The following RGS7 variants were observed in gnomAD, a reference collection of about 807,000 sequenced individuals.
RGS7 encodes the protein regulator of G-protein signaling 7.
A neutral mutation model predicts 81.1 loss-of-function variants in RGS7; 27 were observed. That is an observed-to-expected ratio of 0.33 (90% confidence interval 0.25 to 0.46). RGS7 has a LOEUF of 0.46. Among genes scored for constraint, RGS7 ranks in the 20% least tolerant of loss-of-function variants. The pLI is 1.00. For missense variants in RGS7, 396 were observed against 607.4 expected (o/e 0.65, Z 3.66); for synonymous variants, 208 against 207.7 (o/e 1.00, Z -0.01).
intron 2 of RGS7, among the ~76,000 whole-genome samples, chr1:241,116,361 C>A (rs965739219): frequency 6.6e-6 from 1 of 152,144 alleles, no homozygotes; most frequent in Non-Finnish European, 1.5e-5. Flanking sequence ...AATACCAACT[C>A]TCTCTATGAA....
At chr1:241,336,974 T>C (rs561682456) in intron 2 of RGS7, among the ~76,000 whole-genome samples, 2 of 152,238 alleles carry the variant, frequency 1.3e-5, no homozygotes, top group East Asian at 3.9e-4. Flanking sequence ...TCCAACCCAG[T>C]AGGGAAGTAG....
In RGS7 at chr1:240,899,895, C is replaced by T. The variant is rs556271649; in HGVS notation, c.386-29776G>A. On this transcript the variant is annotated intron_variant, in intron 6 of 18. Coordinates refer to ENST00000440928, the MANE Select transcript of RGS7 (RefSeq NM_001364886.1). The stretch of plus-strand genomic sequence containing the variant: ...CTGAAGAGTGTTTTCCAACTTGGTT[C>T]CATTCTCCCTGTCAATTTCAGATAC... Among the ~76,000 whole-genome samples, 4 of 152,266 alleles carry T rather than the reference C, an allele frequency of 2.6e-5. No individual in the cohort carries two copies. In the South Asian group the frequency reaches 8.3e-4, roughly 32 times the overall value.
intron 2 of RGS7, among the ~76,000 whole-genome samples, chr1:241,165,874 G>A (rs2070187415): frequency 6.6e-6 from 1 of 151,694 alleles, no homozygotes; most frequent in African/African-American, 2.4e-5. Context: ...CCCAACAGCA[G>A]TAGTTCTCAA....
chr1:240,873,655 G>A (rs1294751580), intron 6 of RGS7, among the ~76,000 whole-genome samples: 1 of 152,160 alleles, frequency 6.6e-6, no homozygotes, highest in East Asian at 1.9e-4. Flanking sequence ...AGAGAAGCTG[G>A]AGTGGTCTCT....
chr1:241,002,585 A>C (rs1173908184), intron 3 of RGS7, among the ~76,000 whole-genome samples: 1 of 152,202 alleles, frequency 6.6e-6, no homozygotes, highest in African/African-American at 2.4e-5. Flanking sequence ...TACTGATATT[A>C]GATTTTATGT....
rs188298061 is a variant in RGS7, at chr1:241,354,289, T to C, written c.78+1410A>G. 1.7e-3 allele frequency among the ~76,000 whole-genome samples: 263 copies of C among 152,312 alleles called. 1 individual carries two copies. Among genetic ancestry groups the C allele is most frequent in the Non-Finnish European group, 2.9e-3 (198 of 68,012 alleles). On this transcript the variant is annotated intron_variant, in intron 2 of 18. Coordinates refer to ENST00000440928, the MANE Select transcript of RGS7 (RefSeq NM_001364886.1). ...TAAATAGAATAGACAGGTATCCAGT[T>C]ATTTCAATTAACTTAAAAATACAAT...
intron 2 of RGS7, among the ~76,000 whole-genome samples, chr1:241,243,700 AT>A (rs2076376421): frequency 6.6e-6 from 1 of 152,212 alleles, no homozygotes; most frequent in South Asian, 2.1e-4. Flanking sequence ...AAAAAGTTCT[AT>A]TTTGGCCACA....
chr1:241,001,854 C>A (rs966978561), intron 3 of RGS7, among the ~76,000 whole-genome samples: 1 of 152,162 alleles, frequency 6.6e-6, no homozygotes, highest in Non-Finnish European at 1.5e-5. Context: ...GTAGTGGATT[C>A]TTGTCATTAT....
In RGS7 at chr1:240,907,058, T is replaced by A. The variant is rs372485018; in HGVS notation, c.385+23659A>T. 9.2e-5 allele frequency among the ~76,000 whole-genome samples: 14 copies of A among 152,302 alleles called. No homozygotes were observed. The South Asian group carries it at 1.0e-3, about 11-fold the overall frequency. On this transcript the variant is annotated intron_variant, in intron 6 of 18. Coordinates refer to ENST00000440928, the MANE Select transcript of RGS7 (RefSeq NM_001364886.1). ...AGAGGTGTGATCTTGGCTTGGTGAT[T>A]CCTGTAGATCTCCGGACTTTGGCTG...
chr1:241,356,731 G>C (rs2083600353), intron 1 of RGS7, among the ~76,000 whole-genome samples, 168 bp downstream of exon 1: 1 of 150,188 alleles, frequency 6.7e-6, no homozygotes, highest in South Asian at 2.1e-4. Flanking sequence ...ACCGTGGACC[G>C]CGGGGTGCGC....
intron 2 of RGS7, among the ~76,000 whole-genome samples, chr1:241,214,849 T>C (rs570476457): frequency 6.6e-6 from 1 of 152,272 alleles, no homozygotes; most frequent in East Asian, 1.9e-4. Flanking sequence ...GATTTACATT[T>C]GCTTTATTTT....
At chr1:241,204,172 C>A (rs180859382) in intron 2 of RGS7, among the ~76,000 whole-genome samples, 6 of 152,038 alleles carry the variant, frequency 3.9e-5, no homozygotes, top group Admixed American at 3.3e-4. Context: ...GGGATGGAAC[C>A]ATTTATGGTG....
intron 9 of RGS7, among the ~76,000 whole-genome samples, chr1:240,848,742 T>G (rs1255869639): frequency 6.6e-6 from 1 of 152,032 alleles, no homozygotes; most frequent in Non-Finnish European, 1.5e-5. Context: ...ATGCTTAGGA[T>G]GACTCAGCTT....
At chr1:241,023,810 A>C (rs906031139) in intron 3 of RGS7, among the ~76,000 whole-genome samples, 2 of 152,158 alleles carry the variant, frequency 1.3e-5, no homozygotes, top group Non-Finnish European at 1.5e-5. Flanking sequence ...CAATGGCGCG[A>C]TCTTGGCTCA....
chr1:241,129,264 C>CA (rs369999096), intron 2 of RGS7, among the ~76,000 whole-genome samples: 30,308 of 145,266 alleles, frequency 0.21, 3,060 homozygotes, highest in African/African-American at 0.23. Flanking sequence ...AACAAACAAA[C>CA]AAACAAAAAA....
At chr1:240,784,542 A>G (rs1284989069) in intron 18 of RGS7, among the ~76,000 whole-genome samples, 1 of 151,570 alleles carries the variant, frequency 6.6e-6, no homozygotes, top group Non-Finnish European at 1.5e-5. Flanking sequence ...GCTACTCAGG[A>G]GGCTGAGGCA....
intron 18 of RGS7, among the ~76,000 whole-genome samples, chr1:240,778,429 A>C (rs1683357290): frequency 6.6e-6 from 1 of 152,266 alleles, no homozygotes; most frequent in Non-Finnish European, 1.5e-5. Context: ...GAACAGCAGC[A>C]ATGAAAATCA....
intron 2 of RGS7, among the ~76,000 whole-genome samples, chr1:241,306,756 C>T (rs1458864564): frequency 1.3e-5 from 2 of 152,102 alleles, no homozygotes; most frequent in African/African-American, 4.8e-5. Flanking sequence ...CACTCGCACA[C>T]ATACGCACAC....
chr1:241,293,811 G>A (rs1025730594), intron 2 of RGS7, among the ~76,000 whole-genome samples: 1 of 152,180 alleles, frequency 6.6e-6, no homozygotes, highest in African/African-American at 2.4e-5. Context: ...GCAAGGCTGT[G>A]GAGAAATAGG....
Sources: allele counts gnomAD v4.1 joint callset (sites outside exome capture counted in the v4.1 genomes callset), GRCh38; gene constraint gnomAD v4.1.1; transcripts MANE v1.5; gene names NCBI Gene and HGNC (gene_info 2026-07-23, HGNC 2026-07-21).